ZBTB7B: variants seen among roughly 807,000 people sequenced by gnomAD.
ZBTB7B encodes the protein zinc finger and BTB domain-containing protein 7B.
A neutral mutation model predicts 31.0 loss-of-function variants in ZBTB7B; 8 were observed. The ratio of observed to expected loss-of-function variants is 0.26; its 90% CI spans 0.15 to 0.47. The LOEUF (loss-of-function observed/expected upper bound fraction) is 0.47. Ranked by LOEUF, ZBTB7B falls within the 20% of genes least tolerant of loss-of-function variation. The probability of loss-of-function intolerance (pLI) is 0.99; values close to 1 mark genes in which losing one functional copy is unlikely to be tolerated. For missense variants in ZBTB7B, 494 were observed against 742.4 expected (o/e 0.67, Z 3.89); for synonymous variants, 261 against 307.3 (o/e 0.85, Z 1.58).
intron 1 of ZBTB7B, among the ~76,000 whole-genome samples, chr1:155,005,761 G>T (rs1005248457): frequency 6.6e-6 from 1 of 152,190 alleles, no homozygotes; most frequent in Non-Finnish European, 1.5e-5. Context: ...GGGTGTGCCC[G>T]CCCTGGCCTC....
intron 1 of ZBTB7B, 198 bp from the exon 2 acceptor site, chr1:155,014,457 T>G: frequency 3.3e-6 from 2 of 614,352 alleles, no homozygotes; most frequent in South Asian, 2.1e-5. Context: ...TTCACCTGTC[T>G]GAACCTCAGT....
At chr1:155,011,689 A>G (rs868299007) in intron 1 of ZBTB7B, among the ~76,000 whole-genome samples, 1 of 152,178 alleles carries the variant, frequency 6.6e-6, no homozygotes, top group Non-Finnish European at 1.5e-5. Flanking sequence ...CATGCCCACA[A>G]GGTCTTAGCA....
At chr1:155,012,710 T>C (rs1041158567) in intron 1 of ZBTB7B, among the ~76,000 whole-genome samples, 2 of 151,738 alleles carry the variant, frequency 1.3e-5, no homozygotes, top group African/African-American at 4.8e-5. Flanking sequence ...AGCCCTGGCC[T>C]TGCAATGAAG....
intron 1 of ZBTB7B, chr1:155,013,892 T>C: frequency 2.9e-5 from 8 of 277,534 alleles, no homozygotes; most frequent in Non-Finnish European, 4.4e-5. Context: ...GTGTTTCCCG[T>C]TTGGCCTGGA....
At chr1:155,005,851 C>CA (rs1658526775) in intron 1 of ZBTB7B, among the ~76,000 whole-genome samples, 1 of 152,220 alleles carries the variant, frequency 6.6e-6, no homozygotes, top group South Asian at 2.1e-4. Context: ...TCGCTGCCCC[C>CA]TCCCCCCCAC....
At chr1:155,009,189 G>T (rs1658771873) in intron 1 of ZBTB7B, among the ~76,000 whole-genome samples, 1 of 152,102 alleles carries the variant, frequency 6.6e-6, no homozygotes, top group Non-Finnish European at 1.5e-5. Context: ...ATCAGGAGAG[G>T]CAGAAGAGGG....
chr1:155,008,644 C>T (rs1403626448), intron 1 of ZBTB7B, among the ~76,000 whole-genome samples: 1 of 152,186 alleles, frequency 6.6e-6, no homozygotes, highest in Non-Finnish European at 1.5e-5. Flanking sequence ...TCCTACCTTT[C>T]CTACCCCTCA....
chr1:155,016,705 T>G lies in ZBTB7B; in HGVS notation c.*20T>G. On this transcript the variant is annotated 3_prime_UTR_variant, in exon 3 of 3. Transcript: ENST00000535420. This position sits in a 1 kb window ranked among gnomAD's most constrained non-coding sequence, Gnocchi z 4.3. Reference sequence around the variant, plus strand: ...TCTTAAAGAGGGACGAGGGCCAGACTGAAGCAGCACAAGGCCGGGGACACC... The same window carrying G: ...TCTTAAAGAGGGACGAGGGCCAGACGGAAGCAGCACAAGGCCGGGGACACC... 1 of 1,385,946 alleles carries G rather than the reference T, an allele frequency of 7.2e-7. No homozygotes were observed. The highest frequency in any genetic ancestry group is 9.8e-7 in the Non-Finnish European group (1 of 1,022,010). 85.9% of individuals were successfully genotyped at this position (1,385,946 alleles called of 1,614,324 possible).
intron 1 of ZBTB7B, among the ~76,000 whole-genome samples, chr1:155,005,088 T>G (rs1478716992): frequency 6.6e-6 from 1 of 152,172 alleles, no homozygotes; most frequent in Admixed American, 6.5e-5. Flanking sequence ...CAGCTCCTCC[T>G]TGGCCTAGTG....
chr1:155,016,356 G>A lies in ZBTB7B; in HGVS notation c.1291G>A (p.Glu431Lys). The change falls in exon 3 of 3, where the codon GAG (glutamate) becomes AAG (lysine). Residue 431 changes from glutamate to lysine, a missense_variant. By Grantham distance (56) the Glu-to-Lys change is moderately conservative. Coordinates refer to ENST00000535420, the MANE Select transcript of ZBTB7B (RefSeq NM_001256455.2). The surrounding 1 kb of genome is among the most constrained non-coding windows in gnomAD (Gnocchi z 4.3). The stretch of plus-strand genomic sequence containing the variant: ...CCTGCACACAGGGGACCGGCCCTAT[G>A]AGTGCCACCTGTGCCACAAGGCTTT... ...MHLHTGDRPY[E>K]CHLCHKAFAK... The A allele has an allele frequency of 6.2e-7, 1 of 1,614,118 alleles. No individual in the cohort carries two copies. Among genetic ancestry groups the A allele is most frequent in the Non-Finnish European group, 8.5e-7 (1 of 1,180,006 alleles).
rs760828037 is a variant in ZBTB7B at position 155,016,447 on chromosome 1, G to A, written c.1382G>A (p.Arg461Gln). ...AACTGCCTGGAGGTGCGCACCCGAC[G>A]GCGCCGCAAGGACGATGCACCACCC... Reference protein sequence around the residue: ...GQNCLEVRTRRRRKDDAPPHY... With the variant: ...GQNCLEVRTRQRRKDDAPPHY... The change falls in exon 3 of 3, where the codon CGG (arginine) becomes CAG (glutamine). Residue 461 changes from arginine (R) to glutamine (Q), a missense_variant. Arg to Gln is a conservative substitution (Grantham distance 43). This residue lies in a region of ZBTB7B where 101 missense variants were observed against 119.5 expected (regional missense o/e 0.85). Coordinates refer to ENST00000535420, the MANE Select transcript of ZBTB7B (RefSeq NM_001256455.2). This position sits in a 1 kb window ranked among gnomAD's most constrained non-coding sequence, Gnocchi z 4.3. The A allele has an allele frequency of 8.7e-6, 14 of 1,613,898 alleles. No individual in the cohort carries two copies. The highest frequency in any genetic ancestry group is 5.0e-5 in the Admixed American group (3 of 60,000).
At chr1:155,012,855 A>G in intron 1 of ZBTB7B, among the ~76,000 whole-genome samples, 1 of 149,848 alleles carries the variant, frequency 6.7e-6, no homozygotes, top group East Asian at 2.0e-4. Context: ...AGGTCTGAAC[A>G]GCTGCTGGAG....
Position 155,017,347 on chromosome 1 carries a change from T to TGGGGGCAGTAGAGGGGCCCCGCCCA in ZBTB7B, c.*664_*688dup, listed in dbSNP as rs1659508305. The TGGGGGCAGTAGAGGGGCCCCGCCCA allele has an allele frequency of 6.6e-6, 1 of 151,160 alleles. No individual in the cohort carries two copies. The highest frequency in any genetic ancestry group is 2.4e-5 in the African/African-American group (1 of 41,092). The allele number at this position is 151,160 out of a possible 1,614,324, so 9.4% of individuals were successfully genotyped here. ...GTGGCCTGATTGGCTCGCCTGCCCC[T>TGGGGGCAGTAGAGGGGCCCCGCCCA]GGGGGCAGTAGAGGGGCCCCGCCCA... On this transcript the variant is annotated 3_prime_UTR_variant, in exon 3 of 3. Transcript: ENST00000535420.
At position 155,015,439 on chromosome 1, in the gene ZBTB7B, C is replaced by G; in HGVS notation, c.779C>G (p.Thr260Ser). 1 of 1,576,242 alleles carries G rather than the reference C, an allele frequency of 6.3e-7. No homozygotes were observed. Reference sequence around the variant, plus strand: ...GACAGCTACAGCCCTCCCACAGGAACTGCCTCCCCTCCTGAGGGTCCCCAG... The same window carrying G: ...GACAGCTACAGCCCTCCCACAGGAAGTGCCTCCCCTCCTGAGGGTCCCCAG... ...PGDSYSPPTGTASPPEGPQSY... is the reference protein window; with the variant it reads ...PGDSYSPPTGSASPPEGPQSY... Residue 260 changes from threonine to serine, a missense_variant, in exon 2 of 3, where the codon ACT (threonine) becomes AGT (serine). Coordinates refer to ENST00000535420, the MANE Select transcript of ZBTB7B (RefSeq NM_001256455.2).
At position 155,017,667 on chromosome 1, in the gene ZBTB7B, T is replaced by G. The variant is rs1659567003; in HGVS notation, c.*982T>G. On this transcript the variant is annotated 3_prime_UTR_variant, in exon 3 of 3. Coordinates refer to ENST00000535420, the MANE Select transcript of ZBTB7B (RefSeq NM_001256455.2). ...GGAGAGCGGGCGAGCCGGCGCCATC[T>G]GGCGGCCATGCTCTGAGTGGGCGAG... is the stretch of plus-strand genomic sequence containing the variant. 1 of 152,408 alleles carries G rather than the reference T, an allele frequency of 6.6e-6. No individual in the cohort carries two copies. The highest frequency in any genetic ancestry group is 6.5e-5 in the Admixed American group (1 of 15,294). 9.4% of individuals were successfully genotyped at this position (152,408 alleles called of 1,614,324 possible).
chr1:155,016,204 C>A lies in ZBTB7B; in HGVS notation c.1155-16C>A, dbSNP rs1659396257. Reference sequence around the variant, plus strand: ...ATCCTGAACACCTCCCTGCCCCTCACCCCTGCCTGTGCCAGGAACGACAAG... The same window carrying A: ...ATCCTGAACACCTCCCTGCCCCTCAACCCTGCCTGTGCCAGGAACGACAAG... On this transcript the variant is annotated splice_polypyrimidine_tract_variant and intron_variant, in intron 2 of 2. Transcript: ENST00000535420. The surrounding 1 kb of genome is among the most constrained non-coding windows in gnomAD (Gnocchi z 4.3). 1 of 1,609,922 alleles carries A rather than the reference C, an allele frequency of 6.2e-7. No individual in the cohort carries two copies. The highest frequency in any genetic ancestry group is 1.3e-5 in the African/African-American group (1 of 74,832).
intron 1 of ZBTB7B, among the ~76,000 whole-genome samples, chr1:155,013,155 A>G (rs151052719): frequency 5.3e-5 from 8 of 152,336 alleles, no homozygotes; most frequent in African/African-American, 1.9e-4. Flanking sequence ...GCATTGTGCC[A>G]TATTTGGTCT....
intron 1 of ZBTB7B, chr1:155,013,911 G>A: frequency 2.5e-6 from 1 of 400,704 alleles, no homozygotes; most frequent in Non-Finnish European, 3.4e-6. Flanking sequence ...GAGAAGTGGG[G>A]GATCTAGAAG....
intron 1 of ZBTB7B, 62 bp from the exon 2 acceptor site, chr1:155,014,593 C>T: frequency 6.6e-7 from 1 of 1,506,962 alleles, no homozygotes; most frequent in South Asian, 1.3e-5. Flanking sequence ...TAAAGTTGGT[C>T]CTCTTTCCCC....
Sources: gnomAD v4.1 joint callset for allele counts (sites outside exome capture counted in the v4.1 genomes callset) on GRCh38, gnomAD v4.1.1 for gene constraint, gnomAD v4.1.1 regional missense constraint, Gnocchi (gnomAD v3.1) non-coding constraint, MANE v1.5 for transcripts, NCBI Gene and HGNC (gene_info 2026-07-23, HGNC 2026-07-21) for gene names.